Variants in SMIM45 observed in about 807,000 individuals in gnomAD.
SMIM45 encodes the protein long intergenic non-protein coding RNA 634.
At chr22:41,954,926 G>A in the SMIM45 span, among the ~76,000 whole-genome samples, 3 of 152,078 alleles carry the variant, frequency 2.0e-5, no homozygotes, top group East Asian at 1.9e-4. Context: ...CAGGAGAATC[G>A]CTTGAAGGTG....
chr22:41,952,980 C>T, the SMIM45 span, among the ~76,000 whole-genome samples: 3 of 152,196 alleles, frequency 2.0e-5, no homozygotes, highest in Admixed American at 2.0e-4. Flanking sequence ...CCTGGCAGCA[C>T]CAGACAATCC....
chr22:41,953,740 GTTTTTTTTTT>G, the SMIM45 span, among the ~76,000 whole-genome samples: 5,995 of 89,004 alleles, frequency 0.067, 381 homozygotes, highest in African/African-American at 0.19. Context: ...TCTGTGATCT[GTTTTTTTTTT>G]TTTTTTTTTT....
At chr22:41,955,045 T>C in the SMIM45 span, among the ~76,000 whole-genome samples, 1 of 139,804 alleles carries the variant, frequency 7.2e-6, no homozygotes, top group East Asian at 1.9e-4. Flanking sequence ...GTATATAAGG[T>C]TTGTGACGCA....
At chr22:41,949,102 G>A in the SMIM45 span, among the ~76,000 whole-genome samples, 1 of 152,038 alleles carries the variant, frequency 6.6e-6, no homozygotes, top group African/African-American at 2.4e-5. Context: ...AGCCAGGTAT[G>A]GTGGCGGTGG....
the SMIM45 span, among the ~76,000 whole-genome samples, chr22:41,955,100 G>A: frequency 2.3e-4 from 35 of 152,240 alleles, no homozygotes; most frequent in Admixed American, 7.2e-4. Flanking sequence ...TCCGCCTCTC[G>A]CTCAGTGGAA....
chr22:41,947,206 G>A, the SMIM45 span: 1 of 819,756 alleles, frequency 1.2e-6, no homozygotes, highest in Non-Finnish European at 2.0e-6. Context: ...GACGGGACGG[G>A]GCCTCTTAAA....
chr22:41,958,679 T>C, the SMIM45 span: 9 of 245,404 alleles, frequency 3.7e-5, no homozygotes, highest in East Asian at 1.0e-4. Context: ...TCCTAGCCCT[T>C]CCCCCTCCCC....
chr22:41,952,837 C>A, the SMIM45 span, among the ~76,000 whole-genome samples: 17 of 152,172 alleles, frequency 1.1e-4, no homozygotes, highest in African/African-American at 4.1e-4. Flanking sequence ...GCCCTCCATT[C>A]GCATGTTTAA....
the SMIM45 span, among the ~76,000 whole-genome samples, chr22:41,953,485 T>C: frequency 6.6e-6 from 1 of 152,112 alleles, no homozygotes; most frequent in Non-Finnish European, 1.5e-5. Context: ...CACTTTCCAG[T>C]TGGGTAAGCC....
the SMIM45 span, among the ~76,000 whole-genome samples, chr22:41,956,277 C>T: frequency 2.0e-5 from 3 of 152,152 alleles, no homozygotes; most frequent in African/African-American, 4.8e-5. Flanking sequence ...TCCCAAAATG[C>T]TTGGATTACA....
chr22:41,948,742 A>C, the SMIM45 span, among the ~76,000 whole-genome samples: 1 of 152,112 alleles, frequency 6.6e-6, no homozygotes, highest in Non-Finnish European at 1.5e-5. Context: ...ATATAGTGAG[A>C]CCTCATCTCT....
chr22:41,953,296 G>A, the SMIM45 span, among the ~76,000 whole-genome samples: 1 of 152,128 alleles, frequency 6.6e-6, no homozygotes, highest in Non-Finnish European at 1.5e-5. Context: ...GTTTGGAGAC[G>A]GAGGTCAGAA....
At chr22:41,957,218 G>T in the SMIM45 span, among the ~76,000 whole-genome samples, 1 of 126,362 alleles carries the variant, frequency 7.9e-6, no homozygotes, top group Non-Finnish European at 1.6e-5. Context: ...TCCTGAGACG[G>T]AGTATCGCTC....
chr22:41,953,752 T>G, the SMIM45 span, among the ~76,000 whole-genome samples: 2 of 82,646 alleles, frequency 2.4e-5, no homozygotes, highest in East Asian at 4.7e-4. Context: ...TTTTTTTTTT[T>G]TTTTTTTTTT....
At chr22:41,956,434 A>G in the SMIM45 span, among the ~76,000 whole-genome samples, 729 of 152,248 alleles carry the variant, frequency 4.8e-3, 9 homozygotes, top group Middle Eastern at 0.02. Context: ...GATATCAACC[A>G]GGTCTCCTTC....
the SMIM45 span, among the ~76,000 whole-genome samples, chr22:41,947,930 C>T: frequency 1.3e-5 from 2 of 152,170 alleles, no homozygotes; most frequent in Non-Finnish European, 2.9e-5. Flanking sequence ...CCAGCAGGCC[C>T]TGCCAATTGA....
At chr22:41,955,620 C>G in the SMIM45 span, among the ~76,000 whole-genome samples, 1 of 151,848 alleles carries the variant, frequency 6.6e-6, no homozygotes, top group Non-Finnish European at 1.5e-5. Flanking sequence ...TCCTGGCTAA[C>G]ACGGTGAAAC....
At chr22:41,953,001 C>T in the SMIM45 span, among the ~76,000 whole-genome samples, 2 of 152,200 alleles carry the variant, frequency 1.3e-5, no homozygotes, top group African/African-American at 4.8e-5. Context: ...TGCACTCTCT[C>T]CAGCTCCCCA....
At chr22:41,954,202 ATTTTT>A in the SMIM45 span, among the ~76,000 whole-genome samples, 1 of 104,552 alleles carries the variant, frequency 9.6e-6, no homozygotes, top group Non-Finnish European at 1.8e-5. Context: ...GGTACTTTGA[ATTTTT>A]TTTTTTTTTT....
Sources: allele counts gnomAD v4.1 joint callset (sites outside exome capture counted in the v4.1 genomes callset), GRCh38; gene constraint gnomAD v4.1.1; transcripts MANE v1.5; gene names NCBI Gene and HGNC (gene_info 2026-07-23, HGNC 2026-07-21).